SLC8A1: variants seen among roughly 807,000 people sequenced by gnomAD.
The protein encoded by SLC8A1 is solute carrier family 8 member A1, also known as sodium/calcium exchanger 1.
Under a neutral mutation model 68.3 loss-of-function variants are expected in SLC8A1, and 18 were observed. The observed-to-expected ratio is 0.26, with a 90% CI of 0.18 to 0.39. The LOEUF (loss-of-function observed/expected upper bound fraction) is 0.39, where lower values mean the gene tolerates loss of function less well. SLC8A1 is among the 10% of genes least tolerant of loss of function. The probability of loss-of-function intolerance (pLI) is 1.00; values close to 1 mark genes in which losing one functional copy is unlikely to be tolerated. For missense variants in SLC8A1, 985 were observed against 1,156.7 expected, an observed-to-expected ratio of 0.85 and a Z score of 2.15; for synonymous variants, 475 against 415.5, an observed-to-expected ratio of 1.14 and a Z score of -1.74.
exon 8 of SLC8A1, chr2:40,106,311 G>T (rs1439102275): frequency 1.3e-5 from 2 of 152,220 alleles, no homozygotes; most frequent in African/African-American, 2.4e-5. Context: ...AGCCAGGGCA[G>T]GCGGATCACC....
chr2:40,130,555 G>C (rs986099959), intron 7 of SLC8A1, among the ~76,000 whole-genome samples: 2 of 152,372 alleles, frequency 1.3e-5, no homozygotes, highest in African/African-American at 4.8e-5. Flanking sequence ...CCTGACTGCA[G>C]ATCTGAGGGT....
intron 2 of SLC8A1, among the ~76,000 whole-genome samples, chr2:40,275,770 A>G (rs993244207): frequency 1.3e-5 from 2 of 152,224 alleles, no homozygotes; most frequent in Non-Finnish European, 2.9e-5. Flanking sequence ...GAAAAATACT[A>G]TAATGAGGCA....
intron 4 of SLC8A1, among the ~76,000 whole-genome samples, chr2:40,166,525 G>C (rs2046582485): frequency 6.6e-6 from 1 of 152,194 alleles, no homozygotes; most frequent in Non-Finnish European, 1.5e-5. Context: ...AATGTTAGCA[G>C]AGGCAAAGGA....
At chr2:40,470,976 A>G (rs1473694964) in intron 1 of SLC8A1, among the ~76,000 whole-genome samples, 2 of 152,310 alleles carry the variant, frequency 1.3e-5, no homozygotes, top group African/African-American at 2.4e-5. Flanking sequence ...TTACAAACAC[A>G]TAAGTGGTTT....
At chr2:40,428,523 C>G in exon 2 of SLC8A1, 2 of 1,611,736 alleles carry the variant, frequency 1.2e-6, no homozygotes, top group Non-Finnish European at 1.7e-6. Context: ...CCTCAAAATC[C>G]TCCCCTCCAC....
chr2:40,346,160 G>A (rs1424336561), intron 2 of SLC8A1, among the ~76,000 whole-genome samples: 1 of 151,458 alleles, frequency 6.6e-6, no homozygotes, highest in Non-Finnish European at 1.5e-5. Context: ...ACTTTGAATG[G>A]ATTCATTTCT....
intron 2 of SLC8A1, among the ~76,000 whole-genome samples, chr2:40,222,324 C>G (rs564719791): frequency 1.4e-4 from 21 of 152,006 alleles, no homozygotes; most frequent in African/African-American, 4.8e-4. Flanking sequence ...GCTAGCCATA[C>G]GCAGAAAACT....
At chr2:40,363,827 T>C (rs186485971) in intron 2 of SLC8A1, among the ~76,000 whole-genome samples, 69 of 152,182 alleles carry the variant, frequency 4.5e-4, no homozygotes, top group Non-Finnish European at 8.4e-4. Context: ...TTCATTTCTT[T>C]AAGGCTGATT....
intron 5 of SLC8A1, among the ~76,000 whole-genome samples, chr2:40,161,750 G>A (rs911142549): frequency 6.6e-6 from 1 of 152,112 alleles, no homozygotes; most frequent in Non-Finnish European, 1.5e-5. Flanking sequence ...AGACACTAAG[G>A]CTGCTCATCC....
At position 40,461,330 on chromosome 2, in the gene SLC8A1, TTTA is replaced by T. The variant is rs1703328067; in HGVS notation, c.-24-31029_-24-31027del. Among the ~76,000 whole-genome samples the T allele has an allele frequency of 1.3e-5, 2 of 152,070 alleles. 1 individual carries two copies. Among genetic ancestry groups the T allele is most frequent in the South Asian group, 4.2e-4 (2 of 4,810 alleles). ...AAAAGCAGACAGACCCTTCGTTGGT[TTTA>T]TTATTGTGCCTAACTTCTCTACAGA... On this transcript the variant is annotated intron_variant, in intron 1 of 7. Coordinates refer to the SLC8A1 transcript ENST00000402441.
At chr2:40,169,499 G>A (rs930690762) in intron 4 of SLC8A1, among the ~76,000 whole-genome samples, 1 of 152,154 alleles carries the variant, frequency 6.6e-6, no homozygotes, top group African/African-American at 2.4e-5. Context: ...GGATAGCTGT[G>A]TAATCCTCTA....
At chr2:40,205,330 C>A (rs479909) in intron 2 of SLC8A1, among the ~76,000 whole-genome samples, 32,851 of 151,836 alleles carry the variant, frequency 0.22, 5,177 homozygotes, top group African/African-American at 0.44. Flanking sequence ...AGCCTATTGA[C>A]CCATTTTGAA....
intron 2 of SLC8A1, among the ~76,000 whole-genome samples, chr2:40,189,222 T>C (rs2051282330): frequency 1.3e-5 from 2 of 152,326 alleles, no homozygotes; most frequent in Admixed American, 1.3e-4. Context: ...GGAATAATAG[T>C]CCGTATTAGC....
intron 2 of SLC8A1, among the ~76,000 whole-genome samples, chr2:40,345,819 G>A (rs1669067088): frequency 6.6e-6 from 1 of 152,012 alleles, no homozygotes; most frequent in South Asian, 2.1e-4. Context: ...ACAGGGAGGG[G>A]AACATCACAC....
chr2:40,340,464 G>C (rs1667338294), intron 2 of SLC8A1, among the ~76,000 whole-genome samples: 1 of 152,182 alleles, frequency 6.6e-6, no homozygotes, highest in Non-Finnish European at 1.5e-5. Flanking sequence ...AGGAGGCTGA[G>C]GCAGGAGAAT....
chr2:40,408,225 G>C, intron 2 of SLC8A1, among the ~76,000 whole-genome samples: 1 of 152,022 alleles, frequency 6.6e-6, no homozygotes, highest in East Asian at 1.9e-4. Context: ...AAGTTTCTTC[G>C]GAATTGAACC....
intron 2 of SLC8A1, among the ~76,000 whole-genome samples, chr2:40,412,829 G>T (rs1438320357): frequency 6.6e-6 from 1 of 152,122 alleles, no homozygotes; most frequent in Non-Finnish European, 1.5e-5. Context: ...GATATTTTTG[G>T]TATTATTGAT....
chr2:40,301,871 A>T (rs1212856127), intron 2 of SLC8A1, among the ~76,000 whole-genome samples: 1 of 151,228 alleles, frequency 6.6e-6, no homozygotes, highest in Non-Finnish European at 1.5e-5. Context: ...CTGAACCCCA[A>T]TTTTTTTTTG....
chr2:40,507,715 C>A (rs1706457875), intron 1 of SLC8A1, among the ~76,000 whole-genome samples: 1 of 152,008 alleles, frequency 6.6e-6, no homozygotes, highest in Non-Finnish European at 1.5e-5. Context: ...GTGTTTCCAT[C>A]TGTAAAATGG....
Sources: allele counts gnomAD v4.1 joint callset (sites outside exome capture counted in the v4.1 genomes callset), GRCh38; gene constraint gnomAD v4.1.1; transcripts MANE v1.5; gene names NCBI Gene and HGNC (gene_info 2026-07-23, HGNC 2026-07-21).